PRKCQ: variants seen among roughly 807,000 people sequenced by gnomAD.
PRKCQ encodes the protein protein kinase C theta.
PRKCQ carries 41 observed loss-of-function variants against 91.2 expected under a neutral mutation model. That is an observed-to-expected ratio of 0.45 (90% CI 0.35 to 0.58). PRKCQ has a LOEUF of 0.58. PRKCQ is among the 20% of genes least tolerant of loss of function. PRKCQ has a pLI of 0.00. For missense variants in PRKCQ, 673 were observed against 896.5 expected (o/e 0.75, Z 3.18); for synonymous variants, 307 against 316.9 (o/e 0.97, Z 0.33).
intron 1 of PRKCQ, among the ~76,000 whole-genome samples, chr10:6,579,296 T>C (rs1841360385): frequency 6.6e-6 from 1 of 152,180 alleles, no homozygotes; most frequent in Admixed American, 6.5e-5. Context: ...TCCCTCCACC[T>C]TCTCCAGCCT....
rs139152202 is a variant in PRKCQ, at chr10:6,430,816, C to T, written c.1959G>A (p.Pro653=). The T allele has an allele frequency of 2.6e-5, 42 of 1,613,680 alleles. No individual in the cohort carries two copies. In the African/African-American group the frequency reaches 3.7e-4, roughly 14 times the overall value. Reference sequence around the variant, plus strand: ...CCCATGAGCGAGTCCTTACCACTTTCGGCCGGAACGGTGGGTCAATCTCCT... The same window carrying T: ...CCCATGAGCGAGTCCTTACCACTTTTGGCCGGAACGGTGGGTCAATCTCCT... The part of the protein sequence containing the change: ...ERKEIDPPFR[P]KVKSPFDCSN... Residue 653 remains proline, a synonymous_variant, in exon 17 of 18, where the codon CCG becomes CCA. Transcript: ENST00000263125. This position sits in a 1 kb window ranked among gnomAD's most constrained non-coding sequence, Gnocchi z 4.7.
the PRKCQ span, among the ~76,000 whole-genome samples, chr10:6,399,317 ACAGACT>A: frequency 2.0e-5 from 3 of 152,308 alleles, no homozygotes; most frequent in Admixed American, 2.0e-4. Flanking sequence ...ACATAAACAC[ACAGACT>A]CAGAATGTTG....
At position 6,430,935 on chromosome 10, in the gene PRKCQ, A is replaced by G. The variant is rs768460854; in HGVS notation, c.1840T>C (p.Phe614Leu). 11 of 1,613,808 alleles carry G rather than the reference A, an allele frequency of 6.8e-6. No individual in the cohort carries two copies. Among genetic ancestry groups the G allele is most frequent in the South Asian group, 1.1e-5 (1 of 91,070 alleles). Reference sequence around the variant, plus strand: ...AGCCTCTTCTCAGGTTCTCGCACGAAGAGCTGAAAGGGAGCAGAGCAGGAG... The same window carrying G: ...AGCCTCTTCTCAGGTTCTCGCACGAGGAGCTGAAAGGGAGCAGAGCAGGAG... ...KEAKDLLVKL[F>L]VREPEKRLGV... The change falls in exon 17 of 18, where the codon TTC becomes CTC. Residue 614 changes from phenylalanine (F) to leucine (L), a missense_variant. Transcript: ENST00000263125. The surrounding 1 kb of genome is among the most constrained non-coding windows in gnomAD (Gnocchi z 4.7).
chr10:6,548,808 C>T (rs1329329048), intron 1 of PRKCQ, among the ~76,000 whole-genome samples: 1 of 151,844 alleles, frequency 6.6e-6, no homozygotes, highest in East Asian at 1.9e-4. Context: ...GGGTGCAGCA[C>T]ACCAACATGG....
chr10:6,568,633 G>C (rs1203074340), intron 1 of PRKCQ, among the ~76,000 whole-genome samples: 1 of 151,814 alleles, frequency 6.6e-6, no homozygotes, highest in Non-Finnish European at 1.5e-5. Context: ...GAGTAGTTGG[G>C]ACTACAGGCA....
the PRKCQ span, among the ~76,000 whole-genome samples, chr10:6,418,334 G>A: frequency 6.6e-6 from 1 of 152,184 alleles, no homozygotes; most frequent in Non-Finnish European, 1.5e-5. Context: ...GAGCTGATAG[G>A]CAGGGCTTAG....
At chr10:6,513,853 T>A (rs1409218869) in intron 2 of PRKCQ, among the ~76,000 whole-genome samples, 1 of 152,224 alleles carries the variant, frequency 6.6e-6, no homozygotes, top group East Asian at 1.9e-4. Flanking sequence ...TCTTCTTGTA[T>A]CTGCAAATGT....
intron 7 of PRKCQ, among the ~76,000 whole-genome samples, chr10:6,493,291 T>C (rs926625925): frequency 1.4e-4 from 12 of 85,674 alleles, no homozygotes; most frequent in African/African-American, 8.7e-4. Flanking sequence ...ACTTAAGATA[T>C]CTGAATTTTT....
intron 16 of PRKCQ, among the ~76,000 whole-genome samples, chr10:6,431,809 G>A (rs1833443091): frequency 6.6e-6 from 1 of 152,172 alleles, no homozygotes; most frequent in African/African-American, 2.4e-5. Context: ...AAACCTGCTG[G>A]AGGAGCAATA....
At chr10:6,550,349 C>A (rs1355857489) in intron 1 of PRKCQ, among the ~76,000 whole-genome samples, 1 of 152,184 alleles carries the variant, frequency 6.6e-6, no homozygotes, top group Non-Finnish European at 1.5e-5. Context: ...CCTTGGCTCA[C>A]TGCAGCCTCC....
At chr10:6,470,510 C>T (rs1426920729) in intron 12 of PRKCQ, among the ~76,000 whole-genome samples, 3 of 152,174 alleles carry the variant, frequency 2.0e-5, no homozygotes, top group East Asian at 3.8e-4. Context: ...AGGAAGAAAT[C>T]GTTGCTAGGA....
chr10:6,429,591 C>T (rs1245799846), intron 17 of PRKCQ, among the ~76,000 whole-genome samples: 1 of 152,174 alleles, frequency 6.6e-6, no homozygotes, highest in African/African-American at 2.4e-5. Context: ...GGATATGGCC[C>T]ATGTCTATCC....
intron 1 of PRKCQ, among the ~76,000 whole-genome samples, chr10:6,526,207 T>G (rs571945203): frequency 6.6e-6 from 1 of 152,334 alleles, no homozygotes; most frequent in African/African-American, 2.4e-5. Context: ...TCAGGATCCT[T>G]GGTATTTATG....
Position 6,483,438 on chromosome 10 carries a change from A to C in PRKCQ, c.1179+2T>G. The stretch of plus-strand genomic sequence containing the variant: ...ATAGCATTCTCCCGTGCATTAGCTT[A>C]CCTTGCCAAAACTTCCTTTCCCCAA... On this transcript the variant is annotated splice_donor_variant, in intron 11 of 17. Transcript: ENST00000263125. LOFTEE classifies it high-confidence loss of function. 6.2e-7 allele frequency: 1 copy of C among 1,614,188 alleles called. No homozygotes were observed. Among genetic ancestry groups the C allele is most frequent in the Non-Finnish European group, 8.5e-7 (1 of 1,180,028 alleles).
At chr10:6,534,776 A>ATATCTATC (rs1460511203) in intron 1 of PRKCQ, among the ~76,000 whole-genome samples, 1 of 26,136 alleles carries the variant, frequency 3.8e-5, no homozygotes, top group African/African-American at 6.1e-5. Flanking sequence ...ACATATATCT[A>ATATCTATC]TATATATATA....
the PRKCQ span, among the ~76,000 whole-genome samples, chr10:6,402,282 C>T: frequency 7.4e-5 from 11 of 148,392 alleles, no homozygotes; most frequent in African/African-American, 2.7e-4. Flanking sequence ...CACGTGCATA[C>T]CTATGTAACA....
intron 15 of PRKCQ, among the ~76,000 whole-genome samples, chr10:6,450,052 CAT>C (rs1215890667): frequency 2.0e-5 from 3 of 149,836 alleles, no homozygotes; most frequent in Non-Finnish European, 4.4e-5. Flanking sequence ...CAGCTAACAT[CAT>C]AATGACAGGA....
chr10:6,526,209 G>A (rs1479878066), intron 1 of PRKCQ, among the ~76,000 whole-genome samples: 1 of 152,094 alleles, frequency 6.6e-6, no homozygotes, highest in African/African-American at 2.4e-5. Flanking sequence ...AGGATCCTTG[G>A]TATTTATGAC....
At chr10:6,407,050 A>G in the PRKCQ span, among the ~76,000 whole-genome samples, 2 of 152,242 alleles carry the variant, frequency 1.3e-5, no homozygotes, top group Non-Finnish European at 2.9e-5. This position sits in a 1 kb window ranked among gnomAD's most constrained non-coding sequence, Gnocchi z 4.0. Flanking sequence ...TAAAAACCAC[A>G]GGCATCATTT....
Sources: gnomAD v4.1 joint callset for allele counts (sites outside exome capture counted in the v4.1 genomes callset) on GRCh38, gnomAD v4.1.1 for gene constraint, Gnocchi (gnomAD v3.1) non-coding constraint, MANE v1.5 for transcripts, NCBI Gene and HGNC (gene_info 2026-07-23, HGNC 2026-07-21) for gene names.